The following VEPH1 variants were observed in gnomAD, a reference collection of about 807,000 sequenced individuals.
VEPH1 encodes ventricular zone expressed PH domain containing 1.
A neutral mutation model predicts 85.2 loss-of-function variants in VEPH1; 80 were observed. That is an observed-to-expected ratio of 0.94 (90% CI 0.78 to 1.13). The LOEUF is 1.13. VEPH1 is among the 50% of genes most tolerant of loss of function. The pLI is 0.00. For synonymous variants in VEPH1, 297 were observed against 348.0 expected, an observed-to-expected ratio of 0.85 and a Z score of 1.63; for missense variants, 955 against 980.5, an observed-to-expected ratio of 0.97 and a Z score of 0.35.
chr3:157,483,035 T>C (rs976138395), intron 2 of VEPH1, among the ~76,000 whole-genome samples: 2 of 152,066 alleles, frequency 1.3e-5, no homozygotes, highest in African/African-American at 4.8e-5. Flanking sequence ...AAGGACCACA[T>C]AGTTATTACT....
chr3:157,379,701 A>T (rs1027805445), intron 7 of VEPH1, among the ~76,000 whole-genome samples: 3 of 152,168 alleles, frequency 2.0e-5, no homozygotes, highest in African/African-American at 7.2e-5. Flanking sequence ...ATCATTTGTT[A>T]TTCCAAAAAA....
chr3:157,297,173 T>C (rs1282859045), intron 11 of VEPH1, among the ~76,000 whole-genome samples: 1 of 152,198 alleles, frequency 6.6e-6, no homozygotes. Context: ...GTGTAAAATA[T>C]AGTGTTTTTT....
intron 13 of VEPH1, among the ~76,000 whole-genome samples, chr3:157,264,031 C>G (rs1713270913): frequency 6.6e-6 from 1 of 152,198 alleles, no homozygotes; most frequent in Non-Finnish European, 1.5e-5. Flanking sequence ...CTGGAAGAGG[C>G]TGGCATTTGA....
intron 11 of VEPH1, among the ~76,000 whole-genome samples, chr3:157,313,411 C>T (rs1305194890): frequency 6.6e-6 from 1 of 152,084 alleles, no homozygotes; most frequent in African/African-American, 2.4e-5. Flanking sequence ...AGTATACAGA[C>T]CTCAAAGGGC....
intron 13 of VEPH1, among the ~76,000 whole-genome samples, chr3:157,262,417 G>A (rs1587535): frequency 0.4 from 60,676 of 151,774 alleles, 12,591 homozygotes; most frequent in East Asian, 0.57. Flanking sequence ...AACACTTGGA[G>A]ACGGATGGTC....
At position 157,393,116 on chromosome 3, in the gene VEPH1, T is replaced by C. The variant is rs76089459; in HGVS notation, c.907-11740A>G. 3.0e-3 allele frequency among the ~76,000 whole-genome samples: 458 copies of C among 152,298 alleles called. 9 individuals are homozygous for C. In the East Asian group the frequency reaches 0.044, roughly 15 times the overall value. ...GTTGTACCTATATGCACTACCTGGA[T>C]CTGGGCAGTTATCTTTGCAAGTGTG... On this transcript the variant is annotated intron_variant, in intron 6 of 13. Coordinates refer to ENST00000362010, the MANE Select transcript of VEPH1 (RefSeq NM_001167912.2).
intron 9 of VEPH1, among the ~76,000 whole-genome samples, chr3:157,359,478 G>A (rs1321237102): frequency 6.6e-6 from 1 of 152,182 alleles, no homozygotes; most frequent in Non-Finnish European, 1.5e-5. Flanking sequence ...TACTGACCTA[G>A]GAATAACAGG....
In VEPH1 at chr3:157,344,518, G is replaced by A. The variant is rs1214791421; in HGVS notation, c.1735+18846C>T. 4.6e-5 allele frequency among the ~76,000 whole-genome samples: 7 copies of A among 152,158 alleles called. No individual in the cohort carries two copies. The East Asian group carries it at 7.7e-4, about 17-fold the overall frequency. ...GGAGAACTACAAACCACTGCTCAAC[G>A]AAATAAAAGAGGATACAAACAAATG... On this transcript the variant is annotated intron_variant, in intron 9 of 13. Coordinates refer to ENST00000362010, the MANE Select transcript of VEPH1 (RefSeq NM_001167912.2).
At chr3:157,478,386 A>C (rs574911400) in intron 2 of VEPH1, among the ~76,000 whole-genome samples, 1 of 152,296 alleles carries the variant, frequency 6.6e-6, no homozygotes, top group African/African-American at 2.4e-5. Context: ...CTGCATGGTA[A>C]TCACCATTTC....
chr3:157,261,248 G>GGTTT lies in VEPH1; in HGVS notation c.2384_2387dup (p.Tyr797AsnfsTer5). On this transcript the variant is annotated frameshift_variant, in exon 14 of 14. Transcript: ENST00000362010. LOFTEE classifies it high-confidence loss of function. ...TCTCATCCTTGGCCTTAAAGACATAGGTTTTATTGTCTGTGAAGATTTCGA... is the reference window on the plus strand; with the variant it reads ...TCTCATCCTTGGCCTTAAAGACATAGGTTTGTTTTATTGTCTGTGAAGATTTCGA... 6.2e-7 allele frequency: 1 copy of GGTTT among 1,613,764 alleles called. No individual in the cohort carries two copies.
At chr3:157,483,882 T>C (rs1738377491) in intron 2 of VEPH1, among the ~76,000 whole-genome samples, 1 of 152,198 alleles carries the variant, frequency 6.6e-6, no homozygotes, top group Non-Finnish European at 1.5e-5. Context: ...AGTGAATAAA[T>C]ATCATTTCTA....
chr3:157,353,039 A>G (rs1343483697), intron 9 of VEPH1, among the ~76,000 whole-genome samples: 4 of 152,126 alleles, frequency 2.6e-5, no homozygotes, highest in African/African-American at 4.8e-5. Flanking sequence ...AGATGAAGTA[A>G]CCTGTTCAAG....
intron 6 of VEPH1, among the ~76,000 whole-genome samples, chr3:157,384,066 A>T (rs1399482263): frequency 6.6e-6 from 1 of 152,238 alleles, no homozygotes; most frequent in African/African-American, 2.4e-5. Flanking sequence ...TCACTGAAGA[A>T]AAAGCACAAA....
At chr3:157,419,533 AAAG>A (rs1435856813) in intron 5 of VEPH1, among the ~76,000 whole-genome samples, 1 of 152,218 alleles carries the variant, frequency 6.6e-6, no homozygotes. Flanking sequence ...CCACTACTCA[AAAG>A]AAGACATTCA....
chr3:157,308,204 A>G (rs1719726289), intron 11 of VEPH1, among the ~76,000 whole-genome samples: 1 of 151,456 alleles, frequency 6.6e-6, no homozygotes, highest in Non-Finnish European at 1.5e-5. Context: ...TTTAATCCTT[A>G]TACTTAACTG....
In VEPH1 at chr3:157,460,207, T is replaced by C. The variant is rs777494325; in HGVS notation, c.503A>G (p.Glu168Gly). ...TKADLLADHT[E>G]VIVKSILQGN... The stretch of plus-strand genomic sequence containing the variant: ...TTGGAGTATGCTCTTTACTATAACT[T>C]CCGTGTGATCAGCCAGGAGATCTGC... Residue 168 changes from glutamate to glycine, a missense_variant, in exon 4 of 14, where the codon GAA becomes GGA. Physicochemically the swap from Glu to Gly is moderately conservative, Grantham distance 98 (BLOSUM62 -2). Transcript: ENST00000362010. 15 of 1,614,032 alleles carry C rather than the reference T, an allele frequency of 9.3e-6. No individual in the cohort carries two copies. Among genetic ancestry groups the C allele is most frequent in the Non-Finnish European group, 1.2e-5 (14 of 1,180,036 alleles).
At position 157,495,257 on chromosome 3, in the gene VEPH1, G is replaced by C; in HGVS notation, c.93C>G (p.Ser31Arg). ...TAATTTGCTCCAAAGCTTCTGTAAG[G>C]CTGTCTTCAATCTCAGAGTCATCTA... is the stretch of plus-strand genomic sequence containing the variant. ...FSLDDSEIED[S>R]LTEALEQIKI... Residue 31 changes from serine (S) to arginine (R), a missense_variant, in exon 2 of 14, where the codon AGC becomes AGG. Ser to Arg is a moderately radical substitution (Grantham distance 110, BLOSUM62 -1). Coordinates refer to ENST00000362010, the MANE Select transcript of VEPH1 (RefSeq NM_001167912.2). The C allele has an allele frequency of 4.3e-6, 7 of 1,613,992 alleles. No individual in the cohort carries two copies. Among genetic ancestry groups the C allele is most frequent in the South Asian group, 3.3e-5 (3 of 91,080 alleles).
At position 157,390,225 on chromosome 3, in the gene VEPH1, C is replaced by T. The variant is rs116771251; in HGVS notation, c.907-8849G>A. Among the ~76,000 whole-genome samples, 1,501 of 152,148 alleles carry T rather than the reference C, an allele frequency of 9.9e-3. 22 individuals are homozygous for T. The highest frequency in any genetic ancestry group is 0.034 in the African/African-American group (1,426 of 41,518). On this transcript the variant is annotated intron_variant, in intron 6 of 13. Coordinates refer to ENST00000362010, the MANE Select transcript of VEPH1 (RefSeq NM_001167912.2). The stretch of plus-strand genomic sequence containing the variant: ...CAATAAAAGACAAAAAAAGTTTGAA[C>T]AATGTAATTTTTAAAAAGAAAAGAT...
chr3:157,486,464 C>T (rs990284427), intron 2 of VEPH1, among the ~76,000 whole-genome samples: 24 of 140,890 alleles, frequency 1.7e-4, no homozygotes, highest in Admixed American at 7.5e-4. Context: ...CCACTGCACT[C>T]GACAGAGCAA....
Sources: gnomAD v4.1 joint callset for allele counts (sites outside exome capture counted in the v4.1 genomes callset) on GRCh38, gnomAD v4.1.1 for gene constraint, MANE v1.5 for transcripts, NCBI Gene and HGNC (gene_info 2026-07-23, HGNC 2026-07-21) for gene names.